RGS7: variants seen among roughly 807,000 people sequenced by gnomAD.
The protein encoded by RGS7 is regulator of G protein signaling 7.
RGS7 carries 27 observed loss-of-function variants against 81.1 expected under a neutral mutation model. The ratio of observed to expected loss-of-function variants is 0.33; its 90% CI spans 0.25 to 0.46. RGS7 has a LOEUF of 0.46. RGS7 is among the 20% of genes least tolerant of loss of function. RGS7 has a pLI of 1.00. For synonymous variants in RGS7, 208 were observed against 207.7 expected (o/e 1.00, Z -0.01); for missense variants, 396 against 607.4 (o/e 0.65, Z 3.66).
At chr1:241,104,476 G>GA (rs11295990) in intron 2 of RGS7, among the ~76,000 whole-genome samples, 3 of 152,108 alleles carry the variant, frequency 2.0e-5, no homozygotes, top group Non-Finnish European at 2.9e-5. Context: ...TGTAAGCTAT[G>GA]AAAAAAATCA....
At chr1:241,006,761 G>A (rs2058703363) in intron 3 of RGS7, among the ~76,000 whole-genome samples, 1 of 152,112 alleles carries the variant, frequency 6.6e-6, no homozygotes, top group South Asian at 2.1e-4. Context: ...TCCCTTATAG[G>A]TGGACTTTCT....
intron 9 of RGS7, among the ~76,000 whole-genome samples, chr1:240,838,871 A>C (rs996743697): frequency 2.6e-5 from 4 of 151,632 alleles, no homozygotes; most frequent in Non-Finnish European, 5.9e-5. Context: ...GGTTCACGCC[A>C]TTCTCCTGCC....
chr1:240,995,689 A>T (rs1687167195), intron 3 of RGS7, among the ~76,000 whole-genome samples: 1 of 143,710 alleles, frequency 7.0e-6, no homozygotes, highest in African/African-American at 2.5e-5. Context: ...ATTCCCGAAA[A>T]TGGCAATTTG....
At position 241,066,651 on chromosome 1, in the gene RGS7, C is replaced by T. The variant is rs935015360; in HGVS notation, c.175+32015G>A. Among the ~76,000 whole-genome samples the T allele has an allele frequency of 5.3e-5, 8 of 152,190 alleles. No individual in the cohort carries two copies. In the South Asian group the frequency reaches 6.2e-4, roughly 12 times the overall value. The stretch of plus-strand genomic sequence containing the variant: ...CCCAACTATTCACACTCTTTCCTCT[C>T]GCTCCTCAAATTATAATCACCGTCA... On this transcript the variant is annotated intron_variant, in intron 3 of 18. Transcript: ENST00000440928.
At chr1:241,255,927 T>G (rs2148245535) in intron 2 of RGS7, among the ~76,000 whole-genome samples, 1 of 152,244 alleles carries the variant, frequency 6.6e-6, no homozygotes, top group East Asian at 1.9e-4. Flanking sequence ...ATGAAAATAA[T>G]CTATGTTTCC....
chr1:241,212,531 G>A (rs2074303564), intron 2 of RGS7, among the ~76,000 whole-genome samples: 1 of 152,192 alleles, frequency 6.6e-6, no homozygotes, highest in Non-Finnish European at 1.5e-5. Flanking sequence ...GCCAGGGTAG[G>A]AGAGTTGGAG....
chr1:240,890,182 C>T (rs527936484), intron 6 of RGS7, among the ~76,000 whole-genome samples: 1 of 152,218 alleles, frequency 6.6e-6, no homozygotes, highest in Admixed American at 6.5e-5. Flanking sequence ...GAGACGGAGT[C>T]TCGCTCTGTC....
intron 2 of RGS7, among the ~76,000 whole-genome samples, chr1:241,310,385 G>C (rs1180638463): frequency 6.6e-6 from 1 of 151,288 alleles, no homozygotes; most frequent in Non-Finnish European, 1.5e-5. Context: ...GTGTATGAGT[G>C]TGCGTGTGAG....
intron 3 of RGS7, among the ~76,000 whole-genome samples, chr1:241,073,285 G>A (rs1253930908): frequency 6.6e-5 from 10 of 152,110 alleles, no homozygotes; most frequent in Non-Finnish European, 1.5e-4. Context: ...TTGGTTTGGG[G>A]AAGAACGGGA....
intron 10 of RGS7, among the ~76,000 whole-genome samples, chr1:240,818,824 G>A (rs1691283207): frequency 6.6e-6 from 1 of 152,130 alleles, no homozygotes; most frequent in African/African-American, 2.4e-5. Context: ...CGGGTACAAA[G>A]TTAGTTAGTT....
At chr1:241,202,011 G>GAAGAACACACACACACACACACACACAC (rs138116326) in intron 2 of RGS7, among the ~76,000 whole-genome samples, 2 of 144,970 alleles carry the variant, frequency 1.4e-5, no homozygotes, top group Non-Finnish European at 3.0e-5. Flanking sequence ...GACACACACA[G>GAAGAACACACACACACACACACACACAC]ACACACACAC....
intron 4 of RGS7, among the ~76,000 whole-genome samples, chr1:240,967,183 C>T (rs370083402): frequency 5.3e-5 from 8 of 152,100 alleles, no homozygotes; most frequent in African/African-American, 1.4e-4. Flanking sequence ...ATCTGACAGT[C>T]GGATATGAGA....
chr1:241,209,435 T>C (rs1258868847), intron 2 of RGS7, among the ~76,000 whole-genome samples: 2 of 152,080 alleles, frequency 1.3e-5, no homozygotes, highest in Non-Finnish European at 2.9e-5. Flanking sequence ...AAATAAGACT[T>C]AGGAGTTTTA....
In RGS7 at chr1:241,144,340, A is replaced by G. The variant is rs2068140490; in HGVS notation, c.79-45578T>C. Among the ~76,000 whole-genome samples, 1 of 152,208 alleles carries G rather than the reference A, an allele frequency of 6.6e-6. No homozygotes were observed. The highest frequency in any genetic ancestry group is 1.5e-5 in the Non-Finnish European group (1 of 68,036). ...ATCACACACACATGTGGATACGCAC[A>G]GGCACACACATCCAAATACACTGCA... is the stretch of plus-strand genomic sequence containing the variant. On this transcript the variant is annotated intron_variant, in intron 2 of 18. Transcript: ENST00000440928. The surrounding 1 kb of genome is among the most constrained non-coding windows in gnomAD (Gnocchi z 4.7).
chr1:241,297,741 C>G (rs1004866501), intron 2 of RGS7, among the ~76,000 whole-genome samples: 1 of 152,322 alleles, frequency 6.6e-6, no homozygotes, highest in Middle Eastern at 3.4e-3. Context: ...TTAATCCAGT[C>G]TTCAATAACT....
At chr1:241,095,841 T>C (rs2064209038) in intron 3 of RGS7, among the ~76,000 whole-genome samples, 1 of 152,230 alleles carries the variant, frequency 6.6e-6, no homozygotes, top group Non-Finnish European at 1.5e-5. Flanking sequence ...ACTATAGTCA[T>C]TCTACGGTGG....
At chr1:240,782,625 T>C (rs1338727250) in intron 18 of RGS7, among the ~76,000 whole-genome samples, 1 of 152,100 alleles carries the variant, frequency 6.6e-6, no homozygotes. Context: ...TCTCATTATG[T>C]CATCCAGTCT....
intron 3 of RGS7, among the ~76,000 whole-genome samples, chr1:241,021,827 G>A (rs971346448): frequency 6.6e-6 from 1 of 152,116 alleles, no homozygotes. Flanking sequence ...CTAACCACTC[G>A]GGGTCCTATC....
At chr1:241,245,747 C>A (rs551155926) in intron 2 of RGS7, among the ~76,000 whole-genome samples, 1 of 151,686 alleles carries the variant, frequency 6.6e-6, no homozygotes, top group Non-Finnish European at 1.5e-5. Flanking sequence ...GCAGAGGTTG[C>A]GGTAAGCTGA....
Sources: gnomAD v4.1 joint callset for allele counts (sites outside exome capture counted in the v4.1 genomes callset) on GRCh38, gnomAD v4.1.1 for gene constraint, Gnocchi (gnomAD v3.1) non-coding constraint, MANE v1.5 for transcripts, NCBI Gene and HGNC (gene_info 2026-07-23, HGNC 2026-07-21) for gene names.